Variants in TRIP12 observed in about 807,000 individuals in gnomAD.
TRIP12 encodes the protein E3 ubiquitin-protein ligase TRIP12.
A neutral mutation model predicts 244.2 loss-of-function variants in TRIP12; 25 were observed. The ratio of observed to expected loss-of-function variants is 0.10; its 90% CI spans 0.07 to 0.14. The LOEUF is 0.14. TRIP12 is among the 10% of genes least tolerant of loss of function. The pLI is 1.00. For synonymous variants in TRIP12, 905 were observed against 873.1 expected (o/e 1.04, Z -0.64); for missense variants, 1,677 against 2,486.4 (o/e 0.67, Z 6.92).
chr2:229,922,560 G>A, upstream of TRIP12: 2 of 1,614,082 alleles, frequency 1.2e-6, no homozygotes, highest in Non-Finnish European at 1.7e-6. Context: ...GTAGGACAAG[G>A]CCCGCCGCCT....
chr2:229,897,626 G>A (rs1021984803), intron 1 of TRIP12, among the ~76,000 whole-genome samples: 24 of 152,240 alleles, frequency 1.6e-4, no homozygotes, highest in Non-Finnish European at 1.5e-4. Flanking sequence ...CAGCCTGGGC[G>A]ACAGAGTGAG....
At chr2:229,855,032 G>A (rs1239020635) in intron 4 of TRIP12, among the ~76,000 whole-genome samples, 3 of 152,308 alleles carry the variant, frequency 2.0e-5, no homozygotes, top group South Asian at 2.1e-4. Flanking sequence ...GGGAGGCCGC[G>A]GGGGATGGAT....
chr2:229,865,440 T>A (rs1165230513), intron 2 of TRIP12, among the ~76,000 whole-genome samples: 1 of 151,990 alleles, frequency 6.6e-6, no homozygotes, highest in African/African-American at 2.4e-5. Flanking sequence ...GGTATTACAC[T>A]GCCTGAATTT....
At chr2:229,861,973 A>C (rs2060548391) in intron 2 of TRIP12, among the ~76,000 whole-genome samples, 1 of 152,170 alleles carries the variant, frequency 6.6e-6, no homozygotes, top group Admixed American at 6.5e-5. Context: ...ATATACTTCA[A>C]GAAGCATATT....
Position 229,787,668 on chromosome 2 carries a change from A to G in TRIP12, c.4839-7T>C, listed in dbSNP as rs544341413. The G allele has an allele frequency of 2.5e-6, 4 of 1,595,274 alleles. No individual in the cohort carries two copies. The highest frequency in any genetic ancestry group is 2.3e-5 in the South Asian group (2 of 86,648). On this transcript the variant is annotated splice_region_variant and splice_polypyrimidine_tract_variant and intron_variant, in intron 32 of 41. Transcript: ENST00000675903. ...AAAAGGAAAGAAAAATGGGCTGTAA[A>G]AAGATGCAATGTAAGTTTATTATCT...
intron 8 of TRIP12, among the ~76,000 whole-genome samples, chr2:229,823,803 A>G (rs1365967403): frequency 2.6e-5 from 4 of 152,090 alleles, no homozygotes; most frequent in Non-Finnish European, 4.4e-5. Flanking sequence ...CCTGCGCAAC[A>G]TGGCGAGATG....
rs781663910 is a variant in TRIP12 at position 229,795,333 on chromosome 2, A to G, written c.3817-3T>C. ...CCAATGGGCTCTTCTCCAGGAAGCTAAAGTTATAAATAAACAAACAGGTTA... is the reference window on the plus strand; with the variant it reads ...CCAATGGGCTCTTCTCCAGGAAGCTGAAGTTATAAATAAACAAACAGGTTA... On this transcript the variant is annotated splice_region_variant and splice_polypyrimidine_tract_variant and intron_variant, in intron 25 of 41. Coordinates refer to ENST00000675903, the MANE Select transcript of TRIP12 (RefSeq NM_001348323.3). 2.5e-6 allele frequency: 4 copies of G among 1,611,582 alleles called. No individual in the cohort carries two copies. Among genetic ancestry groups the G allele is most frequent in the African/African-American group, 1.3e-5 (1 of 74,822 alleles).
At position 229,805,827 on chromosome 2, in the gene TRIP12, A is replaced by G; in HGVS notation, c.2553T>C (p.Tyr851=). The part of the protein sequence containing the change: ...EISLSTLGRV[Y]TIDFNSMQQI... ...GCTGCATAGAATTAAAATCAATAGT[A>G]TAAACTCGTCCCAGAGTGGACAAGC... is the stretch of plus-strand genomic sequence containing the variant. The change falls in exon 18 of 42, where the codon TAT becomes TAC. Residue 851 remains tyrosine, a synonymous_variant. Transcript: ENST00000675903. The G allele has an allele frequency of 6.2e-7, 1 of 1,609,678 alleles. No individual in the cohort carries two copies. The highest frequency in any genetic ancestry group is 8.5e-7 in the Non-Finnish European group (1 of 1,176,530).
intron 37 of TRIP12, among the ~76,000 whole-genome samples, 178 bp downstream of exon 37, chr2:229,777,137 A>G (rs981840164): frequency 3.9e-5 from 6 of 152,234 alleles, no homozygotes; most frequent in Admixed American, 2.6e-4. Flanking sequence ...GCCTGCTGTG[A>G]GTATAGGTCA....
intron 2 of TRIP12, among the ~76,000 whole-genome samples, chr2:229,864,004 AAGAGAGAGAG>A (rs1163408528): frequency 4.1e-4 from 33 of 81,366 alleles, no homozygotes; most frequent in African/African-American, 1.3e-3. Flanking sequence ...ATTTGGGTGA[AAGAGAGAGAG>A]AGAGAGAGAG....
At chr2:229,885,759 C>T (rs958943158) in intron 1 of TRIP12, among the ~76,000 whole-genome samples, 4 of 152,086 alleles carry the variant, frequency 2.6e-5, no homozygotes, top group African/African-American at 7.2e-5. Flanking sequence ...TGAGAGGTGC[C>T]GAGAAACAAT....
At chr2:229,845,998 G>A (rs1029054821) in intron 4 of TRIP12, among the ~76,000 whole-genome samples, 3 of 138,418 alleles carry the variant, frequency 2.2e-5, no homozygotes, top group African/African-American at 7.9e-5. Flanking sequence ...GACAGATCGA[G>A]AGCCTCTCTT....
At chr2:229,911,180 C>G (rs931634707) in intron 1 of TRIP12, among the ~76,000 whole-genome samples, 6 of 152,206 alleles carry the variant, frequency 3.9e-5, no homozygotes, top group African/African-American at 1.4e-4. Context: ...ATTCTAAAGT[C>G]CACAAAATGT....
At position 229,859,308 on chromosome 2, in the gene TRIP12, AGTT is replaced by A. The variant is rs2060109706; in HGVS notation, c.488_490del (p.Gln163del). 2 of 1,614,164 alleles carry A rather than the reference AGTT, an allele frequency of 1.2e-6. No individual in the cohort carries two copies. The highest frequency in any genetic ancestry group is 1.3e-5 in the African/African-American group (1 of 75,038). On this transcript the variant is annotated inframe_deletion, in exon 4 of 42. Transcript: ENST00000675903. ...TGTTGATGGTGATTGTGCAGATTTC[AGTT>A]GTTGCTCCTGGTCTAAATGTCTCTT... is the stretch of plus-strand genomic sequence containing the variant.
chr2:229,842,881 T>C (rs2056783325), intron 4 of TRIP12, among the ~76,000 whole-genome samples: 1 of 152,200 alleles, frequency 6.6e-6, no homozygotes, highest in African/African-American at 2.4e-5. Flanking sequence ...TTTTACACTG[T>C]CTTCAACTAT....
intron 38 of TRIP12, among the ~76,000 whole-genome samples, chr2:229,771,901 C>T (rs2034482414): frequency 6.6e-6 from 1 of 152,070 alleles, no homozygotes; most frequent in African/African-American, 2.4e-5. Context: ...TTATGTGAAA[C>T]CCATGCCATA....
At chr2:229,773,801 G>A (rs953416640) in intron 38 of TRIP12, 10 of 233,600 alleles carry the variant, frequency 4.3e-5, no homozygotes, top group Admixed American at 2.5e-4. Context: ...ATGCAATTTA[G>A]TGAGAACACA....
chr2:229,814,424 A>G, intron 11 of TRIP12, 99 bp from the exon 12 acceptor site: 1 of 1,125,128 alleles, frequency 8.9e-7, no homozygotes, highest in Admixed American at 2.1e-5. Flanking sequence ...CATGTATACT[A>G]TCTCTAACAT....
intron 20 of TRIP12, among the ~76,000 whole-genome samples, chr2:229,803,100 G>C (rs2044858548): frequency 6.6e-6 from 1 of 152,218 alleles, no homozygotes; most frequent in South Asian, 2.1e-4. Flanking sequence ...CAAATATGTG[G>C]ATATATTTAA....
Sources: gnomAD v4.1 joint callset for allele counts (sites outside exome capture counted in the v4.1 genomes callset) on GRCh38, gnomAD v4.1.1 for gene constraint, MANE v1.5 for transcripts, NCBI Gene and HGNC (gene_info 2026-07-23, HGNC 2026-07-21) for gene names.